Variants in SLC30A8 observed in about 807,000 individuals in gnomAD.
The protein encoded by SLC30A8 is proton-coupled zinc antiporter SLC30A8.
Under a neutral mutation model 36.9 loss-of-function variants are expected in SLC30A8, and 27 were observed. The observed-to-expected ratio is 0.73, with a 90% CI of 0.54 to 1.01. The LOEUF (loss-of-function observed/expected upper bound fraction) is 1.01, where lower values mean the gene tolerates loss of function less well. SLC30A8 is among the 50% of genes least tolerant of loss of function. SLC30A8 has a pLI of 0.00. For missense variants in SLC30A8, 439 were observed against 452.0 expected (o/e 0.97, Z 0.26); for synonymous variants, 164 against 172.4 (o/e 0.95, Z 0.38).
chr8:117,034,582 G>A (rs990338370), intron 1 of SLC30A8, among the ~76,000 whole-genome samples: 2 of 152,156 alleles, frequency 1.3e-5, no homozygotes, highest in Non-Finnish European at 2.9e-5. Context: ...CAACTAGAAG[G>A]TGCTAGAGCT....
chr8:116,999,848 A>C (rs1369013416), intron 1 of SLC30A8, among the ~76,000 whole-genome samples: 2 of 152,300 alleles, frequency 1.3e-5, no homozygotes, highest in African/African-American at 2.4e-5. Flanking sequence ...CAGACATAAA[A>C]AATTAATAAA....
At chr8:117,056,214 C>T (rs184627315) in intron 2 of SLC30A8, 17 of 152,242 alleles carry the variant, frequency 1.1e-4, no homozygotes, top group African/African-American at 4.1e-4. Context: ...CAGAGCGGCC[C>T]TTCAAGTTCA....
chr8:117,082,567 A>G (rs187382786), intron 2 of SLC30A8, among the ~76,000 whole-genome samples: 5 of 152,260 alleles, frequency 3.3e-5, no homozygotes, highest in African/African-American at 1.2e-4. Flanking sequence ...ATGTCCAGGT[A>G]AGGATATTGA....
intron 2 of SLC30A8, 22 bp downstream of exon 2, chr8:117,147,175 T>G: frequency 1.2e-6 from 2 of 1,607,578 alleles, no homozygotes; most frequent in South Asian, 1.1e-5. Flanking sequence ...TGCAGACTTT[T>G]TTCATTAAAC....
At chr8:117,020,804 ACAACGTTAT>A (rs1203243179) in intron 1 of SLC30A8, among the ~76,000 whole-genome samples, 2 of 152,188 alleles carry the variant, frequency 1.3e-5, no homozygotes, top group African/African-American at 4.8e-5. Flanking sequence ...TGAATATCAA[ACAACGTTAT>A]GACCCTTCTC....
chr8:117,056,347 C>T (rs999705568), intron 2 of SLC30A8, among the ~76,000 whole-genome samples: 1 of 152,160 alleles, frequency 6.6e-6, no homozygotes, highest in Non-Finnish European at 1.5e-5. Flanking sequence ...CTTTCCATCA[C>T]CACAGCAGTA....
chr8:117,047,290 T>C (rs1177083587), intron 2 of SLC30A8, among the ~76,000 whole-genome samples: 1 of 152,162 alleles, frequency 6.6e-6, no homozygotes, highest in East Asian at 1.9e-4. Context: ...GTTTTGTACA[T>C]GAGGAAACCA....
chr8:117,169,770 A>G (rs1275998338), intron 6 of SLC30A8, among the ~76,000 whole-genome samples: 1 of 151,988 alleles, frequency 6.6e-6, no homozygotes, highest in East Asian at 1.9e-4. Flanking sequence ...GAGGTGCTAC[A>G]CACTTTTAAA....
chr8:117,108,689 C>G lies in SLC30A8; in HGVS notation c.-225-26591C>G, dbSNP rs577842039. ...AGGACTTCACATGTTGCTGGGAACC[C>G]TTGGAGTTGGATGAAGAAGCCTGGA... On this transcript the variant is annotated intron_variant, in intron 2 of 10. Transcript: ENST00000427715. Among the ~76,000 whole-genome samples the G allele has an allele frequency of 4.6e-5, 7 of 152,318 alleles. No homozygotes were observed. In the South Asian group the frequency reaches 1.5e-3, roughly 32 times the overall value.
chr8:117,022,549 GCAGAGCCCT>G (rs771403665), intron 1 of SLC30A8, among the ~76,000 whole-genome samples: 8 of 152,236 alleles, frequency 5.3e-5, no homozygotes, highest in Non-Finnish European at 8.8e-5. Context: ...ATGGAACAGA[GCAGAGCCCT>G]CAGAAATAAT....
intron 2 of SLC30A8, among the ~76,000 whole-genome samples, chr8:117,082,750 A>G (rs1242521548): frequency 6.6e-6 from 1 of 152,150 alleles, no homozygotes; most frequent in Non-Finnish European, 1.5e-5. Context: ...AGGACTAGAG[A>G]ACGAGCCTGT....
In SLC30A8 at chr8:117,135,053, G is replaced by T; in HGVS notation, c.-275G>T. The T allele has an allele frequency of 3.4e-6, 1 of 290,690 alleles. No homozygotes were observed. The highest frequency in any genetic ancestry group is 6.3e-6 in the Non-Finnish European group (1 of 157,524). The allele number at this position is 290,690 out of a possible 1,614,324, so 18.0% of individuals were successfully genotyped here. A position where few individuals can be genotyped will look rare whatever the true frequency, so the allele number is the denominator to read the frequency against. The stretch of plus-strand genomic sequence containing the variant: ...CAATTGAATCAGATATCATATGAAA[G>T]ACATACACACTTCATGTAATGCTAC... On this transcript the variant is annotated 5_prime_UTR_variant, in exon 1 of 8. Transcript: ENST00000456015.
chr8:116,997,262 A>G (rs937569994), intron 1 of SLC30A8, among the ~76,000 whole-genome samples: 1 of 152,146 alleles, frequency 6.6e-6, no homozygotes, highest in African/African-American at 2.4e-5. Flanking sequence ...TCTTCTGATG[A>G]TAGTCTTTAT....
intron 1 of SLC30A8, among the ~76,000 whole-genome samples, chr8:116,959,280 A>T (rs1383784854): frequency 6.6e-6 from 1 of 152,002 alleles, no homozygotes; most frequent in Non-Finnish European, 1.5e-5. Context: ...TATACTTTTG[A>T]TCTCCCACAT....
At chr8:117,123,247 C>A (rs187104330) in intron 2 of SLC30A8, among the ~76,000 whole-genome samples, 1 of 151,900 alleles carries the variant, frequency 6.6e-6, no homozygotes, top group South Asian at 2.1e-4. Context: ...TAAACCTTCT[C>A]ATTTATTCAG....
chr8:117,164,488 C>T (rs207469816), intron 6 of SLC30A8, among the ~76,000 whole-genome samples: 10 of 152,044 alleles, frequency 6.6e-5, no homozygotes, highest in African/African-American at 1.9e-4. Flanking sequence ...ATGGGAGGAT[C>T]GCTTGAGGCT....
At chr8:116,953,046 C>T (rs1433763947) in intron 1 of SLC30A8, among the ~76,000 whole-genome samples, 2 of 151,472 alleles carry the variant, frequency 1.3e-5, no homozygotes, top group African/African-American at 4.9e-5. Context: ...TTTTAGTAGA[C>T]CCCCATGTCT....
At chr8:117,158,502 A>G (rs895662453) in intron 4 of SLC30A8, among the ~76,000 whole-genome samples, 4 of 152,236 alleles carry the variant, frequency 2.6e-5, no homozygotes, top group Non-Finnish European at 4.4e-5. Flanking sequence ...TCTTTGCAGC[A>G]TTGTGACTGC....
In SLC30A8 at chr8:117,153,087, G is replaced by T; in HGVS notation, c.415G>T (p.Ala139Ser). 6.2e-7 allele frequency: 1 copy of T among 1,607,250 alleles called. No individual in the cohort carries two copies. ...GCGGCTGACATTTGGATGGCACCGAGCAGGTACGGTTCATAGAGTGAGCAA... is the reference window on the plus strand; with the variant it reads ...GCGGCTGACATTTGGATGGCACCGATCAGGTACGGTTCATAGAGTGAGCAA... ...SKRLTFGWHR[A>S]EILGALLSIL... The change falls in exon 3 of 8, where the codon GCA (alanine) becomes TCA (serine). Residue 139 changes from alanine (A) to serine (S), a missense_variant. By Grantham distance (99) the Ala-to-Ser change is moderately conservative. Coordinates refer to ENST00000456015, the MANE Select transcript of SLC30A8 (RefSeq NM_173851.3).
Sources: gnomAD v4.1 joint callset for allele counts (sites outside exome capture counted in the v4.1 genomes callset) on GRCh38, gnomAD v4.1.1 for gene constraint, MANE v1.5 for transcripts, NCBI Gene and HGNC (gene_info 2026-07-23, HGNC 2026-07-21) for gene names.